CACNB4: variants seen among roughly 807,000 people sequenced by gnomAD.
CACNB4 encodes the protein calcium voltage-gated channel auxiliary subunit beta 4.
A neutral mutation model predicts 71.2 loss-of-function variants in CACNB4; 32 were observed. The ratio of observed to expected loss-of-function variants is 0.45; its 90% CI spans 0.34 to 0.60. CACNB4 has a LOEUF of 0.60. CACNB4 is among the 20% of genes least tolerant of loss of function. CACNB4 has a pLI of 0.01. For missense variants in CACNB4, 464 were observed against 647.9 expected, an observed-to-expected ratio of 0.72 and a Z score of 3.08; for synonymous variants, 231 against 236.9, an observed-to-expected ratio of 0.97 and a Z score of 0.23.
At chr2:152,030,533 A>C (rs527582234) in intron 2 of CACNB4, among the ~76,000 whole-genome samples, 1 of 152,338 alleles carries the variant, frequency 6.6e-6, no homozygotes, top group Admixed American at 6.5e-5. Flanking sequence ...ATATGTATAC[A>C]TGTGCCATGT....
Position 152,014,666 on chromosome 2 carries a change from G to C in CACNB4, c.147+83664C>G, listed in dbSNP as rs1683243529. On this transcript the variant is annotated intron_variant, in intron 2 of 13. Transcript: ENST00000539935. ...GAATCGCTTGAACCCAGGAAGTGGA[G>C]GTTGCAGTGAGCTGAGATTGCACCA... Among the ~76,000 whole-genome samples the C allele has an allele frequency of 4.0e-5, 6 of 151,778 alleles. No individual in the cohort carries two copies. The South Asian group carries it at 1.3e-3, about 32-fold the overall frequency.
chr2:151,947,508 A>G (rs1001837664), intron 2 of CACNB4, among the ~76,000 whole-genome samples: 2 of 152,192 alleles, frequency 1.3e-5, no homozygotes, highest in African/African-American at 4.8e-5. Flanking sequence ...AGTCGCTGCT[A>G]TAAGAATTCC....
chr2:152,066,886 C>T (rs1398499414), intron 2 of CACNB4, among the ~76,000 whole-genome samples: 105 of 144,252 alleles, frequency 7.3e-4, no homozygotes, highest in African/African-American at 2.2e-3. Flanking sequence ...CAGTAAACTA[C>T]CGCAAGAACA....
chr2:151,864,182 G>A (rs2099842492), intron 9 of CACNB4, among the ~76,000 whole-genome samples: 1 of 152,120 alleles, frequency 6.6e-6, no homozygotes. Context: ...TCTCTAAAAA[G>A]TTCCCTTGGA....
At chr2:151,955,859 A>C (rs534885840) in intron 2 of CACNB4, among the ~76,000 whole-genome samples, 1 of 152,142 alleles carries the variant, frequency 6.6e-6, no homozygotes, top group Admixed American at 6.5e-5. Context: ...CCATGATTGC[A>C]CTACTGCCCT....
At chr2:151,963,601 G>T (rs996856786) in intron 2 of CACNB4, among the ~76,000 whole-genome samples, 2 of 152,060 alleles carry the variant, frequency 1.3e-5, no homozygotes, top group Non-Finnish European at 2.9e-5. Context: ...AGTTAAAAAG[G>T]TTGAACTAAA....
Position 151,854,995 on chromosome 2 carries a change from G to A in CACNB4, c.1020+229C>T, listed in dbSNP as rs541591910. 9 of 363,888 alleles carry A rather than the reference G, an allele frequency of 2.5e-5. No homozygotes were observed. In the East Asian group the frequency reaches 2.8e-4, roughly 11 times the overall value. The allele number at this position is 363,888 out of a possible 1,614,324, so 22.5% of individuals were successfully genotyped here. On this transcript the variant is annotated intron_variant, in intron 11 of 13. Transcript: ENST00000539935. ...AATGTTTTGTTTCTATTATACACTT[G>A]CATAACTGTCTTGTTTGGGATCTAC...
At chr2:152,051,172 C>A (rs1033867608) in intron 2 of CACNB4, among the ~76,000 whole-genome samples, 1 of 152,158 alleles carries the variant, frequency 6.6e-6, no homozygotes, top group African/African-American at 2.4e-5. Context: ...AAGAAATTTA[C>A]CCAGGGAGGT....
At chr2:151,898,363 CA>C (rs1477344378) in intron 2 of CACNB4, among the ~76,000 whole-genome samples, 1 of 152,190 alleles carries the variant, frequency 6.6e-6, no homozygotes, top group African/African-American at 2.4e-5. Flanking sequence ...TAGGGACGGT[CA>C]CCCATCACAG....
chr2:152,098,481 C>A lies in CACNB4; in HGVS notation c.64-68G>T, dbSNP rs773507678. On this transcript the variant is annotated intron_variant, in intron 1 of 13. Transcript: ENST00000539935. The surrounding 1 kb of genome is among the most constrained non-coding windows in gnomAD (Gnocchi z 5.3). Reference sequence around the variant, plus strand: ...CGCAGCGCAGAGCGGGGCGACCACCCCCGGCTGGAGTCCGCCTCCGGACCC... The same window carrying A: ...CGCAGCGCAGAGCGGGGCGACCACCACCGGCTGGAGTCCGCCTCCGGACCC... 8.8e-6 allele frequency: 13 copies of A among 1,470,012 alleles called. No homozygotes were observed. Among genetic ancestry groups the A allele is most frequent in the Non-Finnish European group, 1.2e-5 (13 of 1,050,422 alleles). 91.1% of individuals were successfully genotyped at this position (1,470,012 alleles called of 1,614,324 possible). A position where few individuals can be genotyped will look rare whatever the true frequency, so the allele number is the denominator to read the frequency against.
chr2:151,992,080 A>T (rs1165051830), intron 2 of CACNB4, among the ~76,000 whole-genome samples: 1 of 152,156 alleles, frequency 6.6e-6, no homozygotes, highest in African/African-American at 2.4e-5. Flanking sequence ...ACCCCCCTTC[A>T]CCATTGGTGG....
At chr2:151,843,553 C>T (rs1050267490) in intron 12 of CACNB4, among the ~76,000 whole-genome samples, 2 of 152,108 alleles carry the variant, frequency 1.3e-5, no homozygotes, top group Non-Finnish European at 2.9e-5. Context: ...TGGGCTCCAG[C>T]GATCCTCCTG....
chr2:151,987,118 AT>A (rs1681415190), intron 2 of CACNB4, among the ~76,000 whole-genome samples: 1 of 152,150 alleles, frequency 6.6e-6, no homozygotes, highest in Non-Finnish European at 1.5e-5. Context: ...TAAGGGATGG[AT>A]TTTCAAAATT....
At chr2:151,902,220 A>G (rs2099853635) in intron 2 of CACNB4, among the ~76,000 whole-genome samples, 1 of 152,066 alleles carries the variant, frequency 6.6e-6, no homozygotes, top group Non-Finnish European at 1.5e-5. Context: ...TTGTAGAGAC[A>G]GGGTCTCCCT....
chr2:151,890,455 C>T (rs534959151), intron 2 of CACNB4, among the ~76,000 whole-genome samples: 1 of 152,234 alleles, frequency 6.6e-6, no homozygotes, highest in South Asian at 2.1e-4. Context: ...TATGATTATC[C>T]ACCCTGTACG....
At chr2:151,861,004 G>A (rs2099841502) in intron 9 of CACNB4, 184 bp from the exon 10 acceptor site, 1 of 571,528 alleles carries the variant, frequency 1.7e-6, no homozygotes, top group South Asian at 2.3e-5. Flanking sequence ...AGAGCAGAAT[G>A]GAGGAAGGTT....
chr2:152,014,097 C>T (rs1683209906), intron 2 of CACNB4, among the ~76,000 whole-genome samples: 1 of 152,216 alleles, frequency 6.6e-6, no homozygotes, highest in Non-Finnish European at 1.5e-5. Flanking sequence ...AATCCCAGCA[C>T]TTTGGGAGAC....
In CACNB4 at chr2:151,836,856, A is replaced by G. The variant is rs2099835005; in HGVS notation, c.*2263T>C. Reference sequence around the variant, plus strand: ...AGTATCTTAAAGTAGTTAAATGACCAAACTGCTAATGCTACTACAGAAAAA... The same window carrying G: ...AGTATCTTAAAGTAGTTAAATGACCGAACTGCTAATGCTACTACAGAAAAA... On this transcript the variant is annotated 3_prime_UTR_variant, in exon 14 of 14. Transcript: ENST00000539935. 1.3e-5 allele frequency: 2 copies of G among 152,150 alleles called. No homozygotes were observed. The highest frequency in any genetic ancestry group is 4.8e-5 in the African/African-American group (2 of 41,578). 9.4% of individuals were successfully genotyped at this position (152,150 alleles called of 1,614,324 possible).
At chr2:151,973,437 T>G in intron 2 of CACNB4, 2 of 559,674 alleles carry the variant, frequency 3.6e-6, no homozygotes, top group Non-Finnish European at 6.3e-6. Context: ...CCTACACTCT[T>G]GAATGCTTTG....
Sources: allele counts gnomAD v4.1 joint callset (sites outside exome capture counted in the v4.1 genomes callset), GRCh38; gene constraint gnomAD v4.1.1; non-coding constraint Gnocchi (gnomAD v3.1); transcripts MANE v1.5; gene names NCBI Gene and HGNC (gene_info 2026-07-23, HGNC 2026-07-21).